Variants in CUX2 observed in about 807,000 individuals in gnomAD.
CUX2 encodes homeobox protein cut-like 2.
In CUX2, 40 loss-of-function variants were observed where a neutral mutation model predicts 144.8. That is an observed-to-expected ratio of 0.28 (90% CI 0.21 to 0.36). The LOEUF (loss-of-function observed/expected upper bound fraction) is 0.36. Among genes scored for constraint, CUX2 ranks in the 10% least tolerant of loss-of-function variants. CUX2 has a pLI of 1.00. For synonymous variants in CUX2, 827 were observed against 875.6 expected, an observed-to-expected ratio of 0.94 and a Z score of 0.98; for missense variants, 1,615 against 1,994.0, an observed-to-expected ratio of 0.81 and a Z score of 3.62.
At chr12:111,251,575 T>A (rs1883563473) in intron 3 of CUX2, among the ~76,000 whole-genome samples, 2 of 152,318 alleles carry the variant, frequency 1.3e-5, no homozygotes, top group Middle Eastern at 3.4e-3. Flanking sequence ...ACTCGCGGTA[T>A]CTCCGGGAGC....
intron 3 of CUX2, among the ~76,000 whole-genome samples, chr12:111,256,787 C>G (rs957655598): frequency 1.8e-4 from 27 of 152,160 alleles, no homozygotes; most frequent in African/African-American, 6.5e-4. Flanking sequence ...TAGAACAGGG[C>G]CGGTCACAAT....
At chr12:111,305,933 C>T in intron 10 of CUX2, among the ~76,000 whole-genome samples, 1 of 152,024 alleles carries the variant, frequency 6.6e-6, no homozygotes, top group East Asian at 1.9e-4. Flanking sequence ...TTAGTGTGTG[C>T]TGTGGCTATA....
chr12:111,124,083 A>G (rs920104424), intron 1 of CUX2, among the ~76,000 whole-genome samples: 3 of 152,178 alleles, frequency 2.0e-5, no homozygotes, highest in African/African-American at 7.2e-5. Flanking sequence ...CATCACCACT[A>G]TCTAGGTCCC....
At chr12:111,336,448 G>GTGTGTGTGTGTGTGTT (rs1427658342) in intron 19 of CUX2, among the ~76,000 whole-genome samples, 1 of 151,716 alleles carries the variant, frequency 6.6e-6, no homozygotes, top group South Asian at 2.1e-4. Flanking sequence ...GTGTGTGTGT[G>GTGTGTGTGTGTGTGTT]TGTGTGTGTG....
intron 1 of CUX2, among the ~76,000 whole-genome samples, chr12:111,203,050 G>T (rs1435303027): frequency 6.6e-6 from 1 of 151,958 alleles, no homozygotes; most frequent in East Asian, 1.9e-4. Context: ...TGGCCAATGT[G>T]GTGAAACCCC....
chr12:111,269,638 G>A (rs902378584), intron 4 of CUX2, among the ~76,000 whole-genome samples: 3 of 152,138 alleles, frequency 2.0e-5, no homozygotes, highest in Non-Finnish European at 4.4e-5. Flanking sequence ...GGGTCTTACG[G>A]CCCCCCACTT....
intron 1 of CUX2, among the ~76,000 whole-genome samples, chr12:111,177,537 C>T (rs908122428): frequency 3.3e-5 from 5 of 152,132 alleles, no homozygotes; most frequent in South Asian, 4.1e-4. Context: ...ACTACAGGTA[C>T]GCGCCACCAC....
intron 1 of CUX2, among the ~76,000 whole-genome samples, chr12:111,185,148 T>G (rs1334713438): frequency 1.3e-5 from 2 of 152,218 alleles, no homozygotes; most frequent in Non-Finnish European, 2.9e-5. Flanking sequence ...CTGTATTTGC[T>G]TGAATATAAG....
chr12:111,257,216 CCTTCCTCCCCCTCCCACTT>C lies in CUX2; in HGVS notation c.223-6534_223-6516del, dbSNP rs1174343792. Among the ~76,000 whole-genome samples the C allele has an allele frequency of 5.9e-4, 86 of 145,386 alleles. 2 individuals carry two copies. Among genetic ancestry groups the C allele is most frequent in the Middle Eastern group, 7.8e-3 (2 of 258 alleles). On this transcript the variant is annotated intron_variant, in intron 3 of 21. Coordinates refer to ENST00000261726, the MANE Select transcript of CUX2 (RefSeq NM_015267.4). The stretch of plus-strand genomic sequence containing the variant: ...CTCCCTCTTCCCTCCTCCTCCCTCT[CCTTCCTCCCCCTCCCACTT>C]CTTCCTCCCCTTCCCTTTTCCCCCT...
chr12:111,156,710 G>C (rs1460285406), intron 1 of CUX2, among the ~76,000 whole-genome samples: 3 of 152,174 alleles, frequency 2.0e-5, no homozygotes, highest in Non-Finnish European at 4.4e-5. Flanking sequence ...GAGTGCGGTG[G>C]CTCACGCCTG....
At chr12:111,049,637 C>T (rs993628781) in intron 1 of CUX2, among the ~76,000 whole-genome samples, 9 of 152,106 alleles carry the variant, frequency 5.9e-5, no homozygotes, top group African/African-American at 2.2e-4. Flanking sequence ...CCCTCCTTCC[C>T]CATCTGGATT....
intron 1 of CUX2, among the ~76,000 whole-genome samples, chr12:111,078,060 A>G (rs962016278): frequency 6.6e-6 from 1 of 152,154 alleles, no homozygotes; most frequent in African/African-American, 2.4e-5. Flanking sequence ...TTTCAAAACA[A>G]TGATATAGAA....
At chr12:111,258,246 C>T (rs1883934814) in intron 3 of CUX2, among the ~76,000 whole-genome samples, 1 of 152,210 alleles carries the variant, frequency 6.6e-6, no homozygotes, top group South Asian at 2.1e-4. Context: ...ACCGCGGTGG[C>T]TCACGCGTGT....
chr12:111,159,474 TC>T (rs1321895620), intron 1 of CUX2, among the ~76,000 whole-genome samples: 2 of 152,110 alleles, frequency 1.3e-5, no homozygotes, highest in African/African-American at 4.8e-5. Context: ...TAGAAATACT[TC>T]CCAAGGGTTC....
At chr12:111,206,644 G>A (rs1880934729) in intron 1 of CUX2, among the ~76,000 whole-genome samples, 1 of 152,208 alleles carries the variant, frequency 6.6e-6, no homozygotes, top group Admixed American at 6.5e-5. Context: ...CACTGTGCCT[G>A]ACACAGAATT....
intron 1 of CUX2, among the ~76,000 whole-genome samples, chr12:111,093,505 A>C (rs188546374): frequency 1.1e-4 from 16 of 151,946 alleles, no homozygotes; most frequent in African/African-American, 2.2e-4. Flanking sequence ...AAAAAAAAAA[A>C]CCCACTTTGA....
chr12:111,140,080 C>T (rs1382456047), intron 1 of CUX2, among the ~76,000 whole-genome samples: 2 of 152,222 alleles, frequency 1.3e-5, no homozygotes, highest in African/African-American at 4.8e-5. Context: ...AGTAACTTCT[C>T]TGTTCTTTTT....
intron 1 of CUX2, among the ~76,000 whole-genome samples, chr12:111,036,853 G>T (rs1376323107): frequency 6.6e-6 from 1 of 150,632 alleles, no homozygotes. Flanking sequence ...CCCACCCCCA[G>T]CCTGAAATCT....
rs570955238 is a variant in CUX2, at chr12:111,289,756, C to T, written c.302-1662C>T. ...CCCCGAAAAAGTCCTTAACCAACAA[C>T]GTGTGTCACAAATGATGGTGTCACC... On this transcript the variant is annotated intron_variant, in intron 4 of 21. Transcript: ENST00000261726. The surrounding 1 kb of genome is among the most constrained non-coding windows in gnomAD (Gnocchi z 4.1). Among the ~76,000 whole-genome samples, 6 of 152,180 alleles carry T rather than the reference C, an allele frequency of 3.9e-5. No individual in the cohort carries two copies. The South Asian group carries it at 8.3e-4, about 21-fold the overall frequency.
Sources: gnomAD v4.1 joint callset for allele counts (sites outside exome capture counted in the v4.1 genomes callset) on GRCh38, gnomAD v4.1.1 for gene constraint, Gnocchi (gnomAD v3.1) non-coding constraint, MANE v1.5 for transcripts, NCBI Gene and HGNC (gene_info 2026-07-23, HGNC 2026-07-21) for gene names.